Variants in SERPINA1 observed in about 807,000 individuals in gnomAD.
SERPINA1 encodes serpin family A member 1, also known as alpha-1-antitrypsin.
A neutral mutation model predicts 25.4 loss-of-function variants in SERPINA1; 21 were observed. The observed-to-expected ratio is 0.83, with a 90% confidence interval of 0.59 to 1.19. SERPINA1 has a LOEUF of 1.19. SERPINA1 is among the 50% of genes most tolerant of loss of function. The pLI is 0.00. For synonymous variants in SERPINA1, 218 were observed against 211.1 expected (o/e 1.03, Z -0.29); for missense variants, 546 against 509.0 (o/e 1.07, Z -0.70).
rs1418226407 is a variant in SERPINA1, at chr14:94,377,237, G to T, written c.*1212C>A. On this transcript the variant is annotated 3_prime_UTR_variant, in exon 5 of 5. Coordinates refer to ENST00000393087, the MANE Select transcript of SERPINA1 (RefSeq NM_000295.5). ...GGGGCAGTGCCTTCCATAGGACAAG[G>T]CCATTCCTGGTAGAGACGGAGGGAG... 6 of 152,272 alleles carry T rather than the reference G, an allele frequency of 3.9e-5. No individual in the cohort carries two copies. Among genetic ancestry groups the T allele is most frequent in the African/African-American group, 1.2e-4 (5 of 41,448 alleles). 9.4% of individuals were successfully genotyped at this position (152,272 alleles called of 1,614,324 possible).
rs377305261 is a variant in SERPINA1, at chr14:94,388,032, A to G, written c.-5+528T>C. ...GCCTGGCACAGGTCTGTTCCTGGTC[A>G]TATCTGGAGGGGATGGAGAATGTGA... On this transcript the variant is annotated intron_variant, in intron 1 of 4. Transcript: ENST00000393087. 2.8e-4 allele frequency among the ~76,000 whole-genome samples: 43 copies of G among 152,162 alleles called. No individual in the cohort carries two copies. In the South Asian group the frequency reaches 7.9e-3, roughly 28 times the overall value.
intron 3 of SERPINA1, 168 bp downstream of exon 3, chr14:94,380,703 A>C: frequency 1.2e-6 from 1 of 821,320 alleles, no homozygotes; most frequent in Non-Finnish European, 2.1e-6. Context: ...GCGCTGCCTG[A>C]ACTCAGTGGT....
intron 3 of SERPINA1, chr14:94,380,666 T>C: frequency 1.5e-6 from 1 of 660,832 alleles, no homozygotes; most frequent in Non-Finnish European, 2.7e-6. Context: ...CACCCCTGGG[T>C]ACTGTCCTCC....
chr14:94,383,500 C>T, intron 1 of SERPINA1: 1 of 555,746 alleles, frequency 1.8e-6, no homozygotes, highest in Non-Finnish European at 3.2e-6. Context: ...GGTGCTAATG[C>T]TAATATCCTT....
Position 94,381,160 on chromosome 14 carries a change from G to C in SERPINA1, c.647-19C>G, listed in dbSNP as rs746503930. ...CATTTGCCTGGAGAGAGGGGAAGGTGGGCATCACCAGGGGTGAGTGAAGGT... is the reference window on the plus strand; with the variant it reads ...CATTTGCCTGGAGAGAGGGGAAGGTCGGCATCACCAGGGGTGAGTGAAGGT... On this transcript the variant is annotated intron_variant, in intron 2 of 4. Transcript: ENST00000393087. 2.5e-6 allele frequency: 4 copies of C among 1,608,630 alleles called. No homozygotes were observed. The highest frequency in any genetic ancestry group is 3.3e-5 in the Admixed American group (2 of 59,912).
chr14:94,379,319 T>C (rs1896661796), intron 4 of SERPINA1, 145 bp downstream of exon 4: 1 of 1,223,918 alleles, frequency 8.2e-7, no homozygotes, highest in Non-Finnish European at 1.2e-6. Context: ...CCCGTGTCAG[T>C]GAATCACGGG....
At chr14:94,389,715 A>C (rs1897559323), upstream of SERPINA1, 1 of 152,218 alleles carries the variant, frequency 6.6e-6, no homozygotes, top group South Asian at 2.1e-4. Context: ...ATACTTGCAG[A>C]GTGAATGGAT....
intron 1 of SERPINA1, 117 bp from the exon 2 acceptor site, chr14:94,383,358 G>T: frequency 1.9e-6 from 2 of 1,076,206 alleles, no homozygotes; most frequent in Non-Finnish European, 1.4e-6. Context: ...CCTGTGCCAA[G>T]TACTTGCCGA....
chr14:94,382,855 T>A lies in SERPINA1; in HGVS notation c.383A>T (p.Asn128Ile). ...EGFQELLRTL[N>I]QPDSQLQLTT... ...CAGCTGGAGCTGGCTGTCTGGCTGG[T>A]TGAGGGTACGGAGGAGTTCCTGGAA... Residue 128 changes from asparagine to isoleucine, a missense_variant, in exon 2 of 5, where the codon AAC becomes ATC. Physicochemically the swap from Asn to Ile is moderately radical, Grantham distance 149 (BLOSUM62 -3). Coordinates refer to ENST00000393087, the MANE Select transcript of SERPINA1 (RefSeq NM_000295.5). 6.2e-7 allele frequency: 1 copy of A among 1,614,128 alleles called. No homozygotes were observed. Among genetic ancestry groups the A allele is most frequent in the Non-Finnish European group, 8.5e-7 (1 of 1,180,000 alleles).
chr14:94,380,791 G>A, intron 3 of SERPINA1, 80 bp downstream of exon 3: 1 of 1,580,504 alleles, frequency 6.3e-7, no homozygotes, highest in Non-Finnish European at 8.7e-7. Flanking sequence ...CAGCCCTCTG[G>A]CCAGTCCTGA....
rs1370088901 is a variant in SERPINA1, at chr14:94,382,995, G to A, written c.243C>T (p.Ile81=). ...GGGAGAGCATTGCAAAGGCTGTAGC[G>A]ATGCTCACTGGGGAGAAGAAGATAT... ...STNIFFSPVS[I]ATAFAMLSLG... is the part of the protein sequence containing the mutation. Residue 81 remains isoleucine, a synonymous_variant, in exon 2 of 5, where the codon ATC becomes ATT. Transcript: ENST00000393087. 3.1e-6 allele frequency: 5 copies of A among 1,609,338 alleles called. No individual in the cohort carries two copies. The highest frequency in any genetic ancestry group is 2.6e-6 in the Non-Finnish European group (3 of 1,176,160).
chr14:94,380,904 A>C lies in SERPINA1; in HGVS notation c.884T>G (p.Ile295Ser), dbSNP rs1449547720. 1.2e-6 allele frequency: 2 copies of C among 1,614,048 alleles called. No individual in the cohort carries two copies. Among genetic ancestry groups the C allele is most frequent in the African/African-American group, 2.7e-5 (2 of 74,912 alleles). ...QHLENELTHD[I>S]ITKFLENEDR... Reference sequence around the variant, plus strand: ...TTCATTTTCCAGGAACTTGGTGATGATATCGTGGGTGAGTTCATTTTCCAG... The same window carrying C: ...TTCATTTTCCAGGAACTTGGTGATGCTATCGTGGGTGAGTTCATTTTCCAG... Residue 295 changes from isoleucine to serine, a missense_variant, in exon 3 of 5, where the codon ATC becomes AGC. By Grantham distance (142) the Ile-to-Ser change is moderately radical. Coordinates refer to ENST00000393087, the MANE Select transcript of SERPINA1 (RefSeq NM_000295.5).
chr14:94,386,795 C>A (rs943308369), intron 1 of SERPINA1, among the ~76,000 whole-genome samples: 8 of 152,200 alleles, frequency 5.3e-5, no homozygotes, highest in Admixed American at 1.3e-4. Context: ...TGCCTGCCAG[C>A]TGCCTAACCC....
chr14:94,381,323 A>C (rs566307207), intron 2 of SERPINA1, among the ~76,000 whole-genome samples, 182 bp from the exon 3 acceptor site: 1 of 152,344 alleles, frequency 6.6e-6, no homozygotes, highest in East Asian at 1.9e-4. Context: ...AAGCTGCCGA[A>C]AAAGATTGTG....
intron 1 of SERPINA1, among the ~76,000 whole-genome samples, chr14:94,387,977 TG>T (rs947665458): frequency 6.6e-5 from 10 of 152,128 alleles, no homozygotes; most frequent in Admixed American, 6.5e-4. Flanking sequence ...CCACGGTGCA[TG>T]GGGAGGCCCA....
chr14:94,376,763 C>T lies in SERPINA1; in HGVS notation c.*1686G>A, dbSNP rs1393465621. The T allele has an allele frequency of 1.3e-5, 2 of 152,226 alleles. No individual in the cohort carries two copies. The highest frequency in any genetic ancestry group is 2.9e-5 in the Non-Finnish European group (2 of 68,042). 9.4% of individuals were successfully genotyped at this position (152,226 alleles called of 1,614,324 possible). Reference sequence around the variant, plus strand: ...GCTCATAAGTGCAAGAAATGTAGTTCTATTTATTCTCTGTTCTAATGGGTA... The same window carrying T: ...GCTCATAAGTGCAAGAAATGTAGTTTTATTTATTCTCTGTTCTAATGGGTA... On this transcript the variant is annotated 3_prime_UTR_variant, in exon 5 of 5. Coordinates refer to ENST00000393087, the MANE Select transcript of SERPINA1 (RefSeq NM_000295.5).
chr14:94,383,484 C>T (rs1393767413), intron 1 of SERPINA1: 3 of 575,110 alleles, frequency 5.2e-6, no homozygotes, highest in Admixed American at 6.0e-5. Context: ...TGTAACAATC[C>T]CGTGAGGTGC....
In SERPINA1 at chr14:94,379,582, G is replaced by T; in HGVS notation, c.947C>A (p.Ser316Tyr). The T allele has an allele frequency of 6.2e-7, 1 of 1,614,230 alleles. No individual in the cohort carries two copies. Among genetic ancestry groups the T allele is most frequent in the Non-Finnish European group, 8.5e-7 (1 of 1,180,046 alleles). The change falls in exon 4 of 5, where the codon TCC becomes TAC. Residue 316 changes from serine to tyrosine, a missense_variant. Coordinates refer to ENST00000393087, the MANE Select transcript of SERPINA1 (RefSeq NM_000295.5). ...CTTCAGATCATAGGTTCCAGTAATG[G>T]ACAGTTTGGGTAAATGTAAGCTGGC... ...RSASLHLPKL[S>Y]ITGTYDLKSV...
chr14:94,381,226 C>T (rs550503449), intron 2 of SERPINA1, 85 bp from the exon 3 acceptor site: 5 of 1,288,032 alleles, frequency 3.9e-6, no homozygotes, highest in South Asian at 2.5e-5. Context: ...TGAGTCCCCT[C>T]CCTGAGAAGC....
Sources: gnomAD v4.1 joint callset for allele counts (sites outside exome capture counted in the v4.1 genomes callset) on GRCh38, gnomAD v4.1.1 for gene constraint, MANE v1.5 for transcripts, NCBI Gene and HGNC (gene_info 2026-07-23, HGNC 2026-07-21) for gene names.